The following SLC14A2 variants were observed in gnomAD, a reference collection of about 807,000 sequenced individuals.
The protein encoded by SLC14A2 is urea transporter 2.
A neutral mutation model predicts 104.6 loss-of-function variants in SLC14A2; 91 were observed. The observed-to-expected ratio is 0.87, with a 90% CI of 0.73 to 1.04. The LOEUF is 1.04. Among genes scored for constraint, SLC14A2 ranks in the 50% least tolerant of loss-of-function variants. The probability of loss-of-function intolerance (pLI) is 0.00; values close to 1 mark genes in which losing one functional copy is unlikely to be tolerated. For synonymous variants in SLC14A2, 476 were observed against 466.4 expected (o/e 1.02, Z -0.27); for missense variants, 1,189 against 1,156.0 (o/e 1.03, Z -0.41).
At chr18:45,305,732 C>T (rs1176684829) in intron 1 of SLC14A2, among the ~76,000 whole-genome samples, 3 of 152,114 alleles carry the variant, frequency 2.0e-5, no homozygotes, top group African/African-American at 7.2e-5. Flanking sequence ...TTCTTCTCAG[C>T]CTTATTATTG....
intron 1 of SLC14A2, among the ~76,000 whole-genome samples, chr18:45,345,667 A>G (rs1327973328): frequency 6.6e-6 from 1 of 152,210 alleles, no homozygotes; most frequent in East Asian, 1.9e-4. Context: ...ATCCAGATCT[A>G]TCAATCTCTT....
chr18:45,179,475 CA>C, the SLC14A2 span, among the ~76,000 whole-genome samples: 1 of 152,060 alleles, frequency 6.6e-6, no homozygotes, highest in South Asian at 2.1e-4. Flanking sequence ...AGAAGGAAAA[CA>C]AAAACAAAAC....
intron 2 of SLC14A2, among the ~76,000 whole-genome samples, chr18:45,503,842 C>CAT (rs1329973455): frequency 6.6e-6 from 1 of 152,126 alleles, no homozygotes; most frequent in East Asian, 1.9e-4. Context: ...ATCAAAGATA[C>CAT]CACTGGAAGT....
At chr18:45,522,133 C>A (rs1311739758) in intron 2 of SLC14A2, among the ~76,000 whole-genome samples, 2 of 152,182 alleles carry the variant, frequency 1.3e-5, no homozygotes, top group Non-Finnish European at 2.9e-5. Context: ...AGATCACCAT[C>A]CTTCACGTGG....
intron 1 of SLC14A2, among the ~76,000 whole-genome samples, chr18:45,226,254 A>C (rs1408977264): frequency 1.3e-5 from 2 of 152,196 alleles, no homozygotes; most frequent in East Asian, 3.9e-4. Context: ...TGTGGAAGAC[A>C]GTGTGGTGAT....
At chr18:45,583,530 G>GTTC (rs2044527522) in intron 2 of SLC14A2, among the ~76,000 whole-genome samples, 1 of 152,168 alleles carries the variant, frequency 6.6e-6, no homozygotes, top group African/African-American at 2.4e-5. Flanking sequence ...GTCTAAAACA[G>GTTC]TTCCGTATAC....
chr18:45,203,386 T>G, the SLC14A2 span, among the ~76,000 whole-genome samples: 2 of 152,214 alleles, frequency 1.3e-5, no homozygotes, highest in Non-Finnish European at 2.9e-5. Flanking sequence ...GGCGGAACTG[T>G]GGGGTAAGGC....
At chr18:45,358,848 G>A (rs2085581745) in intron 1 of SLC14A2, among the ~76,000 whole-genome samples, 1 of 152,080 alleles carries the variant, frequency 6.6e-6, no homozygotes, top group Admixed American at 6.5e-5. Context: ...AAAGTGCTGG[G>A]ATTACAGGCA....
At chr18:45,249,502 G>A (rs891034575) in intron 1 of SLC14A2, among the ~76,000 whole-genome samples, 8 of 152,232 alleles carry the variant, frequency 5.3e-5, no homozygotes, top group Admixed American at 2.0e-4. Flanking sequence ...ATCTCAGAGA[G>A]GTTGAGTAAC....
At chr18:45,231,485 A>G (rs1473719183) in intron 1 of SLC14A2, among the ~76,000 whole-genome samples, 2 of 152,222 alleles carry the variant, frequency 1.3e-5, no homozygotes, top group East Asian at 3.8e-4. Flanking sequence ...CTGTGATTAC[A>G]GGTGTGAGCC....
rs553377551 is a variant in SLC14A2 at position 45,572,468 on chromosome 18, C to A, written c.-34-52163C>A. ...AGTTATCTTCCACTAAATCTCTCAA[C>A]ACATACCCCATTCCTGGCAATTGAT... On this transcript the variant is annotated intron_variant, in intron 2 of 20. Transcript: ENST00000586448. Among the ~76,000 whole-genome samples the A allele has an allele frequency of 2.0e-5, 3 of 152,330 alleles. No homozygotes were observed. In the South Asian group the frequency reaches 6.2e-4, roughly 32 times the overall value.
chr18:45,667,736 C>A, intron 13 of SLC14A2, 97 bp from the exon 14 acceptor site: 1 of 976,806 alleles, frequency 1.0e-6, no homozygotes, highest in Non-Finnish European at 1.6e-6. Context: ...CCTGCAAACC[C>A]ACTTCGGATA....
intron 2 of SLC14A2, among the ~76,000 whole-genome samples, chr18:45,581,115 G>T (rs1412588054): frequency 6.6e-6 from 1 of 152,208 alleles, no homozygotes; most frequent in Non-Finnish European, 1.5e-5. Flanking sequence ...CTCTCACTGT[G>T]AAGGGAGGGT....
intron 1 of SLC14A2, among the ~76,000 whole-genome samples, chr18:45,249,761 G>T (rs574527625): frequency 1.3e-5 from 2 of 152,060 alleles, no homozygotes; most frequent in South Asian, 4.2e-4. Flanking sequence ...ACTAGCTTGG[G>T]CAACATAGCA....
intron 1 of SLC14A2, among the ~76,000 whole-genome samples, chr18:45,314,123 G>T (rs1249136361): frequency 6.6e-6 from 1 of 152,190 alleles, no homozygotes; most frequent in East Asian, 1.9e-4. Context: ...GGCCAGATGT[G>T]GTCTTCATGG....
rs78806928 is a variant in SLC14A2 at position 45,622,109 on chromosome 18, G to T, written c.-34-2522G>T. Among the ~76,000 whole-genome samples, 63 of 152,290 alleles carry T rather than the reference G, an allele frequency of 4.1e-4. No individual in the cohort carries two copies. The East Asian group carries it at 0.011, about 27-fold the overall frequency. On this transcript the variant is annotated intron_variant, in intron 1 of 19. Transcript: ENST00000255226. ...AAAGCATTGATGGGCTTTAAGCAGG[G>T]ATCCAACATGAGATTAATATGGCAA...
At chr18:45,648,762 T>G (rs893826319) in intron 10 of SLC14A2, among the ~76,000 whole-genome samples, 1 of 152,198 alleles carries the variant, frequency 6.6e-6, no homozygotes, top group Non-Finnish European at 1.5e-5. Flanking sequence ...GTTTTTTTCT[T>G]TCACTTTTTT....
At chr18:45,289,483 T>C (rs926180446) in intron 1 of SLC14A2, among the ~76,000 whole-genome samples, 8 of 152,270 alleles carry the variant, frequency 5.3e-5, no homozygotes, top group Admixed American at 4.6e-4. Flanking sequence ...CAATCCTACT[T>C]TTTTAAAAGC....
At chr18:45,587,223 C>A (rs1437719417) in intron 2 of SLC14A2, among the ~76,000 whole-genome samples, 3 of 152,174 alleles carry the variant, frequency 2.0e-5, no homozygotes, top group Admixed American at 2.0e-4. Flanking sequence ...GATCCGCCTG[C>A]CTCGGCCTCC....
Sources: gnomAD v4.1 joint callset for allele counts (sites outside exome capture counted in the v4.1 genomes callset) on GRCh38, gnomAD v4.1.1 for gene constraint, MANE v1.5 for transcripts, NCBI Gene and HGNC (gene_info 2026-07-23, HGNC 2026-07-21) for gene names.